CHST11: variants seen among roughly 807,000 people sequenced by gnomAD.
The protein encoded by CHST11 is C4S-1.
CHST11 carries 9 observed loss-of-function variants against 30.4 expected under a neutral mutation model. That is an observed-to-expected ratio of 0.30 (90% CI 0.18 to 0.52). The LOEUF (loss-of-function observed/expected upper bound fraction) is 0.52, where lower values mean the gene tolerates loss of function less well. CHST11 is among the 20% of genes least tolerant of loss of function. The pLI is 0.97. For synonymous variants in CHST11, 152 were observed against 187.8 expected (o/e 0.81, Z 1.56); for missense variants, 348 against 460.6 (o/e 0.76, Z 2.24).
At chr12:104,579,395 T>A (rs1266147148) in intron 1 of CHST11, among the ~76,000 whole-genome samples, 2 of 152,186 alleles carry the variant, frequency 1.3e-5, no homozygotes, top group African/African-American at 4.8e-5. Context: ...GTTGCATCAA[T>A]AGAGTGGAGA....
chr12:104,504,542 A>G (rs2037884390), intron 1 of CHST11, among the ~76,000 whole-genome samples: 1 of 152,192 alleles, frequency 6.6e-6, no homozygotes, highest in Non-Finnish European at 1.5e-5. Context: ...ACATCTGGGT[A>G]GGGAGGAGGC....
At position 104,586,777 on chromosome 12, in the gene CHST11, G is replaced by A. The variant is rs187931080; in HGVS notation, c.119-15129G>A. Among the ~76,000 whole-genome samples the A allele has an allele frequency of 3.3e-5, 5 of 152,312 alleles. No homozygotes were observed. The East Asian group carries it at 5.8e-4, about 18-fold the overall frequency. On this transcript the variant is annotated intron_variant, in intron 1 of 2. Coordinates refer to ENST00000303694, the MANE Select transcript of CHST11 (RefSeq NM_018413.6). The stretch of plus-strand genomic sequence containing the variant: ...AAGGAAGGATAAATGCAAAGTAAAC[G>A]TATAAGGCTTATAATTACTCATTTG...
intron 1 of CHST11, among the ~76,000 whole-genome samples, chr12:104,518,148 G>A (rs73384150): frequency 0.021 from 3,220 of 152,162 alleles, 134 homozygotes; most frequent in African/African-American, 0.074. Flanking sequence ...TTAGCCAGGC[G>A]CAGTGGCACG....
chr12:104,584,446 G>A (rs1240444664), intron 1 of CHST11, among the ~76,000 whole-genome samples: 1 of 151,560 alleles, frequency 6.6e-6, no homozygotes, highest in Non-Finnish European at 1.5e-5. Context: ...TAGTAGAGAT[G>A]GGGTTTTACC....
At chr12:104,514,472 G>A (rs966156206) in intron 1 of CHST11, 1 of 737,564 alleles carries the variant, frequency 1.4e-6, no homozygotes, top group African/African-American at 1.7e-5. Flanking sequence ...TGTCCCTGCT[G>A]CTACGACTCC....
At chr12:104,612,727 G>A (rs2039071251) in intron 2 of CHST11, among the ~76,000 whole-genome samples, 1 of 152,202 alleles carries the variant, frequency 6.6e-6, no homozygotes, top group Non-Finnish European at 1.5e-5. Flanking sequence ...GGGAACTCCT[G>A]TGCACTGTTG....
At chr12:104,463,500 T>A (rs894115712) in intron 1 of CHST11, among the ~76,000 whole-genome samples, 1 of 152,194 alleles carries the variant, frequency 6.6e-6, no homozygotes, top group African/African-American at 2.4e-5. Flanking sequence ...CTCTCTCTTT[T>A]CCTTTCTTCT....
At chr12:104,512,561 G>A (rs1247076585) in intron 1 of CHST11, among the ~76,000 whole-genome samples, 3 of 152,160 alleles carry the variant, frequency 2.0e-5, no homozygotes, top group South Asian at 2.1e-4. Flanking sequence ...ATTATTCACA[G>A]TGCCCCTTTT....
At chr12:104,568,221 C>G (rs1156914169) in intron 1 of CHST11, among the ~76,000 whole-genome samples, 1 of 152,150 alleles carries the variant, frequency 6.6e-6, no homozygotes, top group Non-Finnish European at 1.5e-5. Flanking sequence ...GGTGCTTTGC[C>G]TGGCGAGAGG....
rs116860109 is a variant in CHST11, at chr12:104,750,756, A to G, written c.205-6193A>G. ...ACCGTGCCTGGCTTGTGCACATTTT[A>G]GTACCATTTTATTTTTAATAATTTA... On this transcript the variant is annotated intron_variant, in intron 2 of 2. Transcript: ENST00000303694. Among the ~76,000 whole-genome samples, 6 of 152,110 alleles carry G rather than the reference A, an allele frequency of 3.9e-5. No individual in the cohort carries two copies. In the South Asian group the frequency reaches 1.2e-3, roughly 32 times the overall value.
At chr12:104,683,879 C>T (rs145676842) in intron 2 of CHST11, among the ~76,000 whole-genome samples, 1 of 152,238 alleles carries the variant, frequency 6.6e-6, no homozygotes, top group African/African-American at 2.4e-5. Context: ...ATTAGATTCA[C>T]CTCTGAACTC....
chr12:104,654,764 A>G (rs2039526909), intron 2 of CHST11, among the ~76,000 whole-genome samples: 2 of 152,092 alleles, frequency 1.3e-5, no homozygotes, highest in South Asian at 4.1e-4. Flanking sequence ...ACAGACGCCA[A>G]CCTCTAGCCT....
chr12:104,746,449 C>T (rs2040389609), intron 2 of CHST11, among the ~76,000 whole-genome samples: 1 of 152,214 alleles, frequency 6.6e-6, no homozygotes, highest in African/African-American at 2.4e-5. Flanking sequence ...CTATCACCCA[C>T]CTGTGCCAGT....
chr12:104,483,308 A>C (rs1035582666), intron 1 of CHST11, among the ~76,000 whole-genome samples: 2 of 152,018 alleles, frequency 1.3e-5, no homozygotes, highest in African/African-American at 4.8e-5. Flanking sequence ...TGGGTTCAAG[A>C]GATTCTTCTG....
intron 2 of CHST11, among the ~76,000 whole-genome samples, chr12:104,705,722 A>T (rs1187752920): frequency 1.3e-5 from 2 of 151,840 alleles, no homozygotes; most frequent in Non-Finnish European, 2.9e-5. Flanking sequence ...GGAGTTTGAG[A>T]ACAGCCTGGC....
At chr12:104,628,138 G>A (rs906270247) in intron 2 of CHST11, among the ~76,000 whole-genome samples, 6 of 152,170 alleles carry the variant, frequency 3.9e-5, no homozygotes, top group Non-Finnish European at 2.9e-5. Context: ...GCTTTTAGAA[G>A]TCATTTGATG....
intron 2 of CHST11, among the ~76,000 whole-genome samples, chr12:104,622,535 G>A (rs1654952237): frequency 6.6e-6 from 1 of 152,178 alleles, no homozygotes; most frequent in South Asian, 2.1e-4. Flanking sequence ...AGTGCAAAGA[G>A]AAGGAAGATC....
intron 2 of CHST11, among the ~76,000 whole-genome samples, chr12:104,681,461 G>T (rs983279086): frequency 1.3e-5 from 2 of 152,144 alleles, no homozygotes; most frequent in Non-Finnish European, 2.9e-5. Flanking sequence ...TCTTTTGGGG[G>T]TGATAAATAT....
chr12:104,647,139 T>C (rs1388001751), intron 2 of CHST11, among the ~76,000 whole-genome samples: 1 of 152,198 alleles, frequency 6.6e-6, no homozygotes, highest in Non-Finnish European at 1.5e-5. Context: ...AAGAGCCCAT[T>C]GTCATGATGC....
Sources: gnomAD v4.1 joint callset for allele counts (sites outside exome capture counted in the v4.1 genomes callset) on GRCh38, gnomAD v4.1.1 for gene constraint, MANE v1.5 for transcripts, NCBI Gene and HGNC (gene_info 2026-07-23, HGNC 2026-07-21) for gene names.